Variants in TCF12 observed in about 807,000 individuals in gnomAD.
TCF12 encodes the protein transcription factor 12.
A neutral mutation model predicts 86.0 loss-of-function variants in TCF12; 45 were observed. The ratio of observed to expected loss-of-function variants is 0.52; its 90% CI spans 0.41 to 0.67. The LOEUF (loss-of-function observed/expected upper bound fraction) is 0.67, where lower values mean the gene tolerates loss of function less well. TCF12 is among the 30% of genes least tolerant of loss of function. TCF12 has a pLI of 0.00. For synonymous variants in TCF12, 330 were observed against 299.6 expected, an observed-to-expected ratio of 1.10 and a Z score of -1.05; for missense variants, 881 against 859.9, an observed-to-expected ratio of 1.02 and a Z score of -0.31.
Position 57,229,869 on chromosome 15 carries a change from G to T in TCF12, c.580-1283G>T, listed in dbSNP as rs114208104. ...TGGGAAGATTAGGGTAATTTGCAAG[G>T]GGTCTTTACAGTTAATACCTCCAAG... On this transcript the variant is annotated intron_variant, in intron 8 of 20. Coordinates refer to ENST00000333725, the MANE Select transcript of TCF12 (RefSeq NM_207037.2). Among the ~76,000 whole-genome samples the T allele has an allele frequency of 7.4e-3, 1,123 of 151,822 alleles. 14 individuals carry two copies. The highest frequency in any genetic ancestry group is 0.026 in the African/African-American group (1,074 of 41,448).
At chr15:57,026,673 T>G (rs1179122304) in intron 3 of TCF12, among the ~76,000 whole-genome samples, 2 of 152,198 alleles carry the variant, frequency 1.3e-5, no homozygotes, top group Non-Finnish European at 2.9e-5. Context: ...GTATTTCATT[T>G]TATATATTTT....
chr15:57,079,733 G>A (rs371345849), intron 4 of TCF12, among the ~76,000 whole-genome samples: 38 of 152,272 alleles, frequency 2.5e-4, no homozygotes, highest in African/African-American at 8.4e-4. Flanking sequence ...TTTTTTCAGT[G>A]AAAGGAGACT....
intron 5 of TCF12, among the ~76,000 whole-genome samples, chr15:57,098,264 C>T (rs1053895513): frequency 2.6e-5 from 4 of 152,064 alleles, no homozygotes; most frequent in Non-Finnish European, 5.9e-5. Flanking sequence ...GCTCACAGTC[C>T]CTTTCCACTA....
chr15:56,961,312 T>C (rs1255830333), intron 3 of TCF12, among the ~76,000 whole-genome samples: 1 of 152,186 alleles, frequency 6.6e-6, no homozygotes, highest in African/African-American at 2.4e-5. Flanking sequence ...TATACCGTTT[T>C]GGATTTGTAA....
In TCF12 at chr15:57,198,109, A is replaced by G. The variant is rs572575442; in HGVS notation, c.579+284A>G. Reference sequence around the variant, plus strand: ...ACTAGGCCAGTAGCTGTCAAAGATGATCTCCTATGCAGGTCTTTTGATGTT... The same window carrying G: ...ACTAGGCCAGTAGCTGTCAAAGATGGTCTCCTATGCAGGTCTTTTGATGTT... On this transcript the variant is annotated intron_variant, in intron 8 of 20. Coordinates refer to ENST00000333725, the MANE Select transcript of TCF12 (RefSeq NM_207037.2). 2.6e-4 allele frequency among the ~76,000 whole-genome samples: 39 copies of G among 152,282 alleles called. 1 individual carries two copies. In the South Asian group the frequency reaches 7.9e-3, roughly 31 times the overall value.
rs757369824 is a variant in TCF12, at chr15:57,273,127, C to T, written c.1843C>T (p.Arg615Trp). 3.1e-6 allele frequency: 5 copies of T among 1,614,038 alleles called. No individual in the cohort carries two copies. The highest frequency in any genetic ancestry group is 2.2e-5 in the South Asian group (2 of 91,092). ...ANNARERLRV[R>W]DINEAFKELG... is the part of the protein sequence containing the mutation. ...CAATGCCAGAGAACGCTTACGCGTG[C>T]GGGATATTAATGAAGCATTCAAAGA... is the stretch of plus-strand genomic sequence containing the variant. The change falls in exon 19 of 21, where the codon CGG (arginine) becomes TGG (tryptophan). Residue 615 changes from arginine (R) to tryptophan (W), a missense_variant. Physicochemically the swap from Arg to Trp is moderately radical, Grantham distance 101. Around this residue, in one of 3 missense-constraint regions of TCF12, gnomAD observed 46 missense variants for 76.7 expected, o/e 0.60. Transcript: ENST00000333725.
intron 18 of TCF12, among the ~76,000 whole-genome samples, chr15:57,272,801 A>G (rs1177604343): frequency 6.6e-6 from 1 of 152,250 alleles, no homozygotes; most frequent in Non-Finnish European, 1.5e-5. Flanking sequence ...ATGTGCAATG[A>G]AAAATGCACT....
At chr15:56,938,805 A>G (rs924240586) in intron 3 of TCF12, among the ~76,000 whole-genome samples, 1 of 152,140 alleles carries the variant, frequency 6.6e-6, no homozygotes, top group African/African-American at 2.4e-5. Flanking sequence ...AAGCTTCCAC[A>G]TATGAATTTT....
intron 5 of TCF12, among the ~76,000 whole-genome samples, chr15:57,164,912 C>T (rs912148152): frequency 2.0e-5 from 3 of 152,154 alleles, no homozygotes; most frequent in African/African-American, 7.2e-5. Context: ...AACTCCTGAC[C>T]TCAGGTTATC....
chr15:57,259,773 G>A (rs765733056), intron 16 of TCF12, among the ~76,000 whole-genome samples: 8 of 152,188 alleles, frequency 5.3e-5, no homozygotes, highest in Non-Finnish European at 8.8e-5. Flanking sequence ...TATCTGGCTG[G>A]CCCCACAGGC....
intron 5 of TCF12, among the ~76,000 whole-genome samples, chr15:57,114,006 C>A (rs1157349731): frequency 2.0e-5 from 3 of 151,870 alleles, no homozygotes; most frequent in Admixed American, 6.6e-5. Context: ...GGCTTTGGCC[C>A]CAGTCTTGAA....
Position 57,247,463 on chromosome 15 carries a change from C to T in TCF12, c.1115-3887C>T. On this transcript the variant is annotated intron_variant, in intron 13 of 20. Coordinates refer to ENST00000333725, the MANE Select transcript of TCF12 (RefSeq NM_207037.2). Reference sequence around the variant, plus strand: ...TTTAGAAAGGGCCTTTTTTACTTCACAGTTATGCCCATTAATAGTGTGGCA... The same window carrying T: ...TTTAGAAAGGGCCTTTTTTACTTCATAGTTATGCCCATTAATAGTGTGGCA... The T allele has an allele frequency of 5.6e-6, 4 of 719,280 alleles. No homozygotes were observed. In the South Asian group the frequency reaches 5.6e-5, roughly 10 times the overall value. 44.6% of individuals were successfully genotyped at this position (719,280 alleles called of 1,614,324 possible).
intron 3 of TCF12, among the ~76,000 whole-genome samples, chr15:57,027,473 T>C (rs908493504): frequency 6.6e-6 from 1 of 152,202 alleles, no homozygotes; most frequent in Non-Finnish European, 1.5e-5. Flanking sequence ...TTGATGTATA[T>C]TTGGACCTTT....
At chr15:56,925,103 G>A (rs1412672000) in intron 3 of TCF12, among the ~76,000 whole-genome samples, 2 of 152,226 alleles carry the variant, frequency 1.3e-5, no homozygotes, top group South Asian at 4.1e-4. Flanking sequence ...GGAGGCTGGG[G>A]TGGGAGAATT....
chr15:57,026,776 T>TG, intron 3 of TCF12, among the ~76,000 whole-genome samples: 1 of 152,234 alleles, frequency 6.6e-6, no homozygotes, highest in South Asian at 2.1e-4. Flanking sequence ...TTGATGTCCG[T>TG]GGGGGATTGG....
chr15:57,073,951 C>T (rs867669702), intron 4 of TCF12, among the ~76,000 whole-genome samples: 18 of 152,142 alleles, frequency 1.2e-4, no homozygotes, highest in South Asian at 4.2e-4. Flanking sequence ...AGGGTTTCAC[C>T]GTGTTAGCCA....
At chr15:57,030,580 T>G (rs1364552925) in intron 3 of TCF12, among the ~76,000 whole-genome samples, 1 of 152,170 alleles carries the variant, frequency 6.6e-6, no homozygotes, top group African/African-American at 2.4e-5. Flanking sequence ...AGTAATCACG[T>G]TCATTAGAAA....
At chr15:57,169,695 G>GA (rs2055169636) in intron 6 of TCF12, among the ~76,000 whole-genome samples, 1 of 152,044 alleles carries the variant, frequency 6.6e-6, no homozygotes, top group African/African-American at 2.4e-5. Flanking sequence ...CTTGAGGGGG[G>GA]AGAAAACACT....
intron 5 of TCF12, among the ~76,000 whole-genome samples, chr15:57,096,982 T>C (rs892547504): frequency 6.6e-6 from 1 of 152,184 alleles, no homozygotes; most frequent in Non-Finnish European, 1.5e-5. Context: ...AAAGGGCACC[T>C]CTGGTAAAGC....
Sources: allele counts gnomAD v4.1 joint callset (sites outside exome capture counted in the v4.1 genomes callset), GRCh38; gene constraint gnomAD v4.1.1; regional missense constraint gnomAD v4.1.1; transcripts MANE v1.5; gene names NCBI Gene and HGNC (gene_info 2026-07-23, HGNC 2026-07-21).